The following PLCE1 variants were observed in gnomAD, a reference collection of about 807,000 sequenced individuals.
PLCE1 encodes the protein phospholipase C epsilon 1, also known as 1-phosphatidylinositol 4,5-bisphosphate phosphodiesterase epsilon-1.
A neutral mutation model predicts 242.8 loss-of-function variants in PLCE1; 119 were observed. That is an observed-to-expected ratio of 0.49 (90% CI 0.42 to 0.57). PLCE1 has a LOEUF of 0.57. Ranked by LOEUF, PLCE1 falls within the 20% of genes least tolerant of loss-of-function variation. The pLI is 0.00. For missense variants in PLCE1, 2,441 were observed against 2,788.8 expected, an observed-to-expected ratio of 0.88 and a Z score of 2.81; for synonymous variants, 945 against 1,017.4, an observed-to-expected ratio of 0.93 and a Z score of 1.35.
chr10:94,116,251 C>G (rs2046126570), intron 2 of PLCE1, among the ~76,000 whole-genome samples: 1 of 152,184 alleles, frequency 6.6e-6, no homozygotes, highest in Non-Finnish European at 1.5e-5. Context: ...TTTGCTATAT[C>G]TATAGAACTT....
intron 1 of PLCE1, among the ~76,000 whole-genome samples, chr10:93,995,805 ATGTG>A (rs1292401239): frequency 1.3e-5 from 2 of 152,192 alleles, no homozygotes; most frequent in Non-Finnish European, 2.9e-5. Flanking sequence ...AACTCCTGGG[ATGTG>A]GTCCAAGTTT....
Position 94,328,443 on chromosome 10 carries a change from T to G in PLCE1, c.*500T>G, listed in dbSNP as rs1274802429. ...GTCACAAATACTCTTGTTTTGACTT[T>G]TTTTCAACCATTTAAAAACTTAAAA... is the stretch of plus-strand genomic sequence containing the variant. On this transcript the variant is annotated 3_prime_UTR_variant, in exon 33 of 33. Transcript: ENST00000371380. 1.3e-5 allele frequency: 2 copies of G among 152,626 alleles called. No individual in the cohort carries two copies. The highest frequency in any genetic ancestry group is 2.4e-5 in the African/African-American group (1 of 41,440). The allele number at this position is 152,626 out of a possible 1,614,324, so 9.5% of individuals were successfully genotyped here.
intron 3 of PLCE1, among the ~76,000 whole-genome samples, chr10:94,147,143 C>T (rs994114131): frequency 1.4e-4 from 21 of 152,026 alleles, no homozygotes; most frequent in Admixed American, 3.9e-4. Flanking sequence ...GAGGCAGGGC[C>T]GGGCATGGTG....
At chr10:94,318,377 A>C (rs889375470) in intron 29 of PLCE1, among the ~76,000 whole-genome samples, 1 of 152,230 alleles carries the variant, frequency 6.6e-6, no homozygotes, top group African/African-American at 2.4e-5. Flanking sequence ...GTATCCTCTA[A>C]GCGATGTCAG....
chr10:94,126,725 A>G (rs2046446915), intron 2 of PLCE1, among the ~76,000 whole-genome samples: 2 of 152,262 alleles, frequency 1.3e-5, no homozygotes, highest in South Asian at 2.1e-4. Flanking sequence ...TTGTGACTGT[A>G]TAATTTAAAA....
chr10:94,132,255 G>A lies in PLCE1; in HGVS notation c.1288G>A (p.Glu430Lys), dbSNP rs759264866. 1.1e-5 allele frequency: 17 copies of A among 1,614,040 alleles called. No homozygotes were observed. The highest frequency in any genetic ancestry group is 4.4e-5 in the South Asian group (4 of 91,046). ...LHFLTKLPASETAHGRISVGP... is the reference protein window; with the variant it reads ...LHFLTKLPASKTAHGRISVGP... ...TTTCCTCACCAAGCTCCCAGCCTCC[G>A]AGACAGCCCATGGAAGGATAAGCGT... Residue 430 changes from glutamate (E) to lysine (K), a missense_variant, in exon 3 of 33, where the codon GAG becomes AAG. This residue lies in a region of PLCE1 where 733 missense variants were observed against 754.2 expected (regional missense o/e 0.97). Transcript: ENST00000371380.
At chr10:94,014,541 G>A (rs1342485393) in intron 1 of PLCE1, among the ~76,000 whole-genome samples, 1 of 151,828 alleles carries the variant, frequency 6.6e-6, no homozygotes, top group African/African-American at 2.4e-5. Context: ...GTACAGTTCC[G>A]TGGCATTAAG....
In PLCE1 at chr10:94,031,309, A is replaced by G. The variant is rs756966446; in HGVS notation, c.263A>G (p.Glu88Gly). The change falls in exon 2 of 33, where the codon GAA (glutamate) becomes GGA (glycine). Residue 88 changes from glutamate (E) to glycine (G), a missense_variant. Transcript: ENST00000371380. ...EKIVSDENSNEKCWEKIMPDS... is the reference protein window; with the variant it reads ...EKIVSDENSNGKCWEKIMPDS... ...ATAGTGAGTGATGAGAACAGTAATG[A>G]AAAATGTTGGGAGAAAATCATGCCA... The G allele has an allele frequency of 6.2e-7, 1 of 1,613,858 alleles. No individual in the cohort carries two copies. Among genetic ancestry groups the G allele is most frequent in the Non-Finnish European group, 8.5e-7 (1 of 1,179,848 alleles).
chr10:94,134,419 A>C (rs577401558), intron 3 of PLCE1, among the ~76,000 whole-genome samples: 22 of 152,222 alleles, frequency 1.4e-4, no homozygotes, highest in Non-Finnish European at 1.5e-4. Flanking sequence ...TATGTGCCTC[A>C]GTTAAACATA....
At chr10:94,243,872 T>C (rs543664679) in intron 7 of PLCE1, among the ~76,000 whole-genome samples, 2 of 152,370 alleles carry the variant, frequency 1.3e-5, no homozygotes, top group East Asian at 3.9e-4. Context: ...TGTATTTATG[T>C]ATCACAAATA....
chr10:94,262,266 G>A (rs1473062265), intron 13 of PLCE1, among the ~76,000 whole-genome samples: 2 of 152,086 alleles, frequency 1.3e-5, no homozygotes, highest in Non-Finnish European at 1.5e-5. Context: ...CTCCCAAAGT[G>A]CTAGGATTAC....
chr10:94,082,904 A>T (rs931108108), intron 2 of PLCE1, among the ~76,000 whole-genome samples: 2 of 152,250 alleles, frequency 1.3e-5, no homozygotes, highest in African/African-American at 4.8e-5. Context: ...ATTTGAACAA[A>T]TTCATTAAAA....
At chr10:94,075,543 G>C (rs937170268) in intron 2 of PLCE1, among the ~76,000 whole-genome samples, 6 of 152,202 alleles carry the variant, frequency 3.9e-5, no homozygotes, top group Non-Finnish European at 7.3e-5. Context: ...CTGGCATTCT[G>C]TTCTTTACAG....
chr10:94,011,567 G>C (rs537799484), intron 1 of PLCE1, among the ~76,000 whole-genome samples: 1 of 152,202 alleles, frequency 6.6e-6, no homozygotes, highest in Non-Finnish European at 1.5e-5. Flanking sequence ...TGGGAAAAAT[G>C]AGTGTCCTAG....
intron 4 of PLCE1, among the ~76,000 whole-genome samples, chr10:94,213,505 G>A (rs923201536): frequency 1.3e-5 from 2 of 152,098 alleles, no homozygotes; most frequent in Non-Finnish European, 2.9e-5. Context: ...ATGTCCCTGT[G>A]TCCCTACCTC....
chr10:94,264,290 T>C (rs2051423076), intron 14 of PLCE1, among the ~76,000 whole-genome samples: 1 of 151,824 alleles, frequency 6.6e-6, no homozygotes, highest in Non-Finnish European at 1.5e-5. Context: ...AGCCACAAGG[T>C]CAAAGACCAA....
At chr10:94,106,620 GC>G (rs927549089) in intron 2 of PLCE1, among the ~76,000 whole-genome samples, 1 of 152,030 alleles carries the variant, frequency 6.6e-6, no homozygotes, top group African/African-American at 2.4e-5. Context: ...CTGATAAATG[GC>G]CCCCAAAATG....
chr10:94,296,792 G>A (rs568290924), intron 23 of PLCE1, among the ~76,000 whole-genome samples: 74 of 151,982 alleles, frequency 4.9e-4, no homozygotes, highest in Non-Finnish European at 6.3e-4. Flanking sequence ...AATGTTTATC[G>A]CAAAATGCCT....
At chr10:94,241,921 A>G (rs2050519431) in intron 7 of PLCE1, among the ~76,000 whole-genome samples, 1 of 152,208 alleles carries the variant, frequency 6.6e-6, no homozygotes, top group South Asian at 2.1e-4. Flanking sequence ...CTTTACCAAG[A>G]CAGGCGCTGT....
Sources: gnomAD v4.1 joint callset for allele counts (sites outside exome capture counted in the v4.1 genomes callset) on GRCh38, gnomAD v4.1.1 for gene constraint, gnomAD v4.1.1 regional missense constraint, MANE v1.5 for transcripts, NCBI Gene and HGNC (gene_info 2026-07-23, HGNC 2026-07-21) for gene names.